The following ACO1 variants were observed in gnomAD, a reference collection of about 807,000 sequenced individuals.
ACO1 encodes the protein aconitase 1, also known as cytoplasmic aconitate hydratase.
ACO1 carries 78 observed loss-of-function variants against 105.1 expected under a neutral mutation model. The observed-to-expected ratio is 0.74, with a 90% CI of 0.62 to 0.90. ACO1 has a LOEUF of 0.90. Among genes scored for constraint, ACO1 ranks in the 40% least tolerant of loss-of-function variants. The pLI is 0.00. For missense variants in ACO1, 965 were observed against 1,111.1 expected (o/e 0.87, Z 1.87); for synonymous variants, 364 against 397.4 (o/e 0.92, Z 1.00).
intron 19 of ACO1, among the ~76,000 whole-genome samples, chr9:32,448,599 C>T (rs1032315110): frequency 3.0e-4 from 46 of 152,198 alleles, no homozygotes; most frequent in Non-Finnish European, 4.4e-4. Context: ...CTTCCCTTGG[C>T]TAGGAGAGGA....
At chr9:32,412,568 A>G (rs1174624520) in intron 4 of ACO1, among the ~76,000 whole-genome samples, 1 of 152,198 alleles carries the variant, frequency 6.6e-6, no homozygotes, top group African/African-American at 2.4e-5. Context: ...AATTCAGGAT[A>G]AAGAGAAATC....
Position 32,450,142 on chromosome 9 carries a change from G to A in ACO1, c.*31G>A. On this transcript the variant is annotated 3_prime_UTR_variant, in exon 21 of 21. Transcript: ENST00000309951. ...GTGCACTTGGTGCTGCGCCCAGGGAGGAAGCCGCACCACCAGCCAGCGCAG... is the reference window on the plus strand; with the variant it reads ...GTGCACTTGGTGCTGCGCCCAGGGAAGAAGCCGCACCACCAGCCAGCGCAG... 6.4e-7 allele frequency: 1 copy of A among 1,571,102 alleles called. No individual in the cohort carries two copies. Among genetic ancestry groups the A allele is most frequent in the East Asian group, 2.2e-5 (1 of 44,626 alleles).
chr9:32,393,115 A>G (rs926319483), intron 1 of ACO1, among the ~76,000 whole-genome samples: 2 of 152,242 alleles, frequency 1.3e-5, no homozygotes, highest in Admixed American at 6.5e-5. Context: ...GATAACAGCA[A>G]TGTTCAAGGA....
At position 32,450,484 on chromosome 9, in the gene ACO1, T is replaced by C. The variant is rs1822739507; in HGVS notation, c.*373T>C. 3 of 341,960 alleles carry C rather than the reference T, an allele frequency of 8.8e-6. No homozygotes were observed. Among genetic ancestry groups the C allele is most frequent in the South Asian group, 4.8e-5 (2 of 41,832 alleles). 21.2% of individuals were successfully genotyped at this position (341,960 alleles called of 1,614,324 possible). A position where few individuals can be genotyped will look rare whatever the true frequency, so the allele number is the denominator to read the frequency against. ...TCAGGAGGTGTCTCCTACCCTCTTA[T>C]TGTTCCTCTTACGCTCTGCTCAATG... On this transcript the variant is annotated 3_prime_UTR_variant, in exon 21 of 21. Coordinates refer to ENST00000309951, the MANE Select transcript of ACO1 (RefSeq NM_002197.3).
chr9:32,417,931 A>C (rs1046195043), intron 4 of ACO1, among the ~76,000 whole-genome samples, 197 bp from the exon 5 acceptor site: 10 of 152,166 alleles, frequency 6.6e-5, no homozygotes, highest in African/African-American at 2.4e-4. Context: ...GAATCACTTG[A>C]ACCAAACAAT....
intron 19 of ACO1, chr9:32,445,634 G>C (rs1460477717): frequency 2.7e-5 from 7 of 256,216 alleles, no homozygotes; most frequent in Admixed American, 2.6e-4. Flanking sequence ...TTTGATCTTA[G>C]TTATTTCTTG....
intron 12 of ACO1, among the ~76,000 whole-genome samples, chr9:32,428,281 CAAA>C (rs199515069): frequency 5.4e-5 from 6 of 110,620 alleles, no homozygotes; most frequent in Non-Finnish European, 9.2e-5. Context: ...GACCCTGTCT[CAAA>C]AAAAAAAAAA....
intron 8 of ACO1, among the ~76,000 whole-genome samples, chr9:32,421,431 C>CT (rs146551885): frequency 1.2e-3 from 187 of 152,256 alleles, no homozygotes; most frequent in African/African-American, 4.4e-3. Flanking sequence ...TTAGAGAAAA[C>CT]TGAGGAGCAG....
chr9:32,445,280 C>G (rs1039607725), intron 19 of ACO1, among the ~76,000 whole-genome samples: 3 of 152,134 alleles, frequency 2.0e-5, no homozygotes, highest in Non-Finnish European at 2.9e-5. Context: ...ATTACTGCCT[C>G]AATTTCAGAA....
intron 19 of ACO1, among the ~76,000 whole-genome samples, chr9:32,446,347 G>C (rs1233308099): frequency 1.3e-5 from 2 of 152,046 alleles, no homozygotes; most frequent in African/African-American, 4.8e-5. Flanking sequence ...TTATGTAATG[G>C]CCTTGTCTCT....
intron 11 of ACO1, 99 bp from the exon 12 acceptor site, chr9:32,427,202 G>A: frequency 6.8e-7 from 1 of 1,460,182 alleles, no homozygotes; most frequent in South Asian, 1.3e-5. Context: ...GGTGGTGGCA[G>A]GAAATGCAGA....
intron 4 of ACO1, among the ~76,000 whole-genome samples, chr9:32,409,855 T>C (rs10738887): frequency 0.85 from 129,990 of 152,152 alleles, 55,593 homozygotes; most frequent in East Asian, 1. Context: ...CTTAATAAAA[T>C]GTGTTACAAA....
rs1271267590 is a variant in ACO1 at position 32,427,344 on chromosome 9, G to C, written c.1392G>C (p.Met464Ile). 1 of 1,614,082 alleles carries C rather than the reference G, an allele frequency of 6.2e-7. No homozygotes were observed. Among genetic ancestry groups the C allele is most frequent in the Admixed American group, 1.7e-5 (1 of 60,000 alleles). The change falls in exon 12 of 21, where the codon ATG becomes ATC. Residue 464 changes from methionine to isoleucine, a missense_variant. Physicochemically the swap from Met to Ile is conservative, Grantham distance 10. Coordinates refer to ENST00000309951, the MANE Select transcript of ACO1 (RefSeq NM_002197.3). Reference sequence around the variant, plus strand: ...CTGTGGATGCTGGCCTGAACGTGATGCCTTACATCAAAACTAGCCTGTCTC... The same window carrying C: ...CTGTGGATGCTGGCCTGAACGTGATCCCTTACATCAAAACTAGCCTGTCTC... ...KKAVDAGLNV[M>I]PYIKTSLSPG... is the part of the protein sequence containing the mutation.
chr9:32,414,113 A>T (rs1821800004), intron 4 of ACO1, among the ~76,000 whole-genome samples: 1 of 152,210 alleles, frequency 6.6e-6, no homozygotes, highest in Non-Finnish European at 1.5e-5. Flanking sequence ...AGATTGCGCC[A>T]CTGCACTCCA....
rs149400248 is a variant in ACO1, at chr9:32,393,527, C to A, written c.-23+8792C>A. Among the ~76,000 whole-genome samples the A allele has an allele frequency of 8.5e-3, 1,297 of 152,288 alleles. 14 individuals carry two copies. The highest frequency in any genetic ancestry group is 0.058 in the South Asian group (279 of 4,826). ...TGCCTCAGTCTTATGGTCCTGTGAT[C>A]TTGCCCTGCCTCCATTTACCTTGTG... On this transcript the variant is annotated intron_variant, in intron 1 of 20. Transcript: ENST00000309951.
At chr9:32,407,158 A>T in intron 2 of ACO1, 103 bp from the exon 3 acceptor site, 1 of 1,047,070 alleles carries the variant, frequency 9.6e-7, no homozygotes, top group Non-Finnish European at 1.4e-6. Flanking sequence ...CTTGTGGAAG[A>T]ATAGTCTGAT....
At chr9:32,407,487 T>C in intron 3 of ACO1, 58 bp downstream of exon 3, 1 of 1,533,972 alleles carries the variant, frequency 6.5e-7, no homozygotes, top group African/African-American at 1.4e-5. Flanking sequence ...TCAAGAAAGT[T>C]TTCTTTTAAA....
At chr9:32,416,471 G>A (rs937975600) in intron 4 of ACO1, among the ~76,000 whole-genome samples, 1 of 152,060 alleles carries the variant, frequency 6.6e-6, no homozygotes, top group Admixed American at 6.5e-5. Context: ...CATCTTGCTC[G>A]GGCTGACTCA....
At chr9:32,441,211 A>G (rs1326491204) in intron 19 of ACO1, among the ~76,000 whole-genome samples, 1 of 152,076 alleles carries the variant, frequency 6.6e-6, no homozygotes, top group Admixed American at 6.5e-5. Context: ...ACCTTCCGCC[A>G]TCTCGGGGCT....
Sources: allele counts gnomAD v4.1 joint callset (sites outside exome capture counted in the v4.1 genomes callset), GRCh38; gene constraint gnomAD v4.1.1; transcripts MANE v1.5; gene names NCBI Gene and HGNC (gene_info 2026-07-23, HGNC 2026-07-21).